The following SOX5 variants were observed in gnomAD, a reference collection of about 807,000 sequenced individuals.
SOX5 encodes transcription factor SOX-5.
In SOX5, 9 loss-of-function variants were observed where a neutral mutation model predicts 92.0. The ratio of observed to expected loss-of-function variants is 0.10; its 90% CI spans 0.06 to 0.17. The LOEUF (loss-of-function observed/expected upper bound fraction) is 0.17, where lower values mean the gene tolerates loss of function less well. Ranked by LOEUF, SOX5 falls within the 10% of genes least tolerant of loss-of-function variation. The probability of loss-of-function intolerance (pLI) is 1.00; values close to 1 mark genes in which losing one functional copy is unlikely to be tolerated. For missense variants in SOX5, 642 were observed against 944.5 expected (o/e 0.68, Z 4.20); for synonymous variants, 344 against 336.3 (o/e 1.02, Z -0.25).
intron 3 of SOX5, among the ~76,000 whole-genome samples, chr12:23,771,201 AAAAG>A (rs1188723310): frequency 7.5e-4 from 114 of 151,358 alleles, no homozygotes; most frequent in East Asian, 5.2e-3. Flanking sequence ...AAAAAAAAAA[AAAAG>A]AAAGAAAGAA....
chr12:24,546,875 A>ATTCCAGTAAACACTGAGAAC (rs1439603422), intron 1 of SOX5, among the ~76,000 whole-genome samples: 1 of 152,220 alleles, frequency 6.6e-6, no homozygotes, highest in Non-Finnish European at 1.5e-5. Flanking sequence ...TGGCTCAGGA[A>ATTCCAGTAAACACTGAGAAC]TTCCAGTAAA....
intron 2 of SOX5, among the ~76,000 whole-genome samples, chr12:23,885,522 ATTGT>A (rs1568625523): frequency 6.6e-6 from 1 of 152,170 alleles, no homozygotes; most frequent in Non-Finnish European, 1.5e-5. Flanking sequence ...TAATGATAAC[ATTGT>A]TTGCCCTGCT....
chr12:24,542,778 A>G (rs1221899710), intron 1 of SOX5, among the ~76,000 whole-genome samples: 3 of 152,254 alleles, frequency 2.0e-5, no homozygotes, highest in Admixed American at 6.5e-5. Context: ...GAACCACTAT[A>G]TTAGTTGTCA....
intron 8 of SOX5, chr12:23,638,252 A>G (rs1345973114): frequency 6.6e-6 from 1 of 152,252 alleles, no homozygotes; most frequent in African/African-American, 2.4e-5. Context: ...GAGCTGAAGA[A>G]GCAAAAGAGT....
At chr12:23,945,236 T>C (rs984202150) in intron 1 of SOX5, among the ~76,000 whole-genome samples, 1 of 152,192 alleles carries the variant, frequency 6.6e-6, no homozygotes, top group African/African-American at 2.4e-5. Flanking sequence ...ACAGGTCTTA[T>C]TATATGTCTC....
Position 23,963,299 on chromosome 12 carries a change from G to A in SOX5, c.-1-67275C>T, listed in dbSNP as rs1034473895. On this transcript the variant is annotated intron_variant, in intron 4 of 4. Transcript: ENST00000446891. ...TATAGGAAATGCTGCCTGAGCATTA[G>A]GCTAGTCATGAAAACTCAAAGGAGA... Among the ~76,000 whole-genome samples, 4 of 152,110 alleles carry A rather than the reference G, an allele frequency of 2.6e-5. No homozygotes were observed. In the East Asian group the frequency reaches 7.7e-4, roughly 29 times the overall value.
rs2091053591 is a variant in SOX5 at position 23,704,176 on chromosome 12, T to C, written c.810+30508A>G. ...ACTCCTCCCCATCTTCTAACGCTTG[T>C]GTGTGTGTGTAAAGTTTTTATTATC... On this transcript the variant is annotated intron_variant, in intron 6 of 14. Coordinates refer to ENST00000451604, the MANE Select transcript of SOX5 (RefSeq NM_006940.6). 2.6e-5 allele frequency among the ~76,000 whole-genome samples: 4 copies of C among 151,918 alleles called. No individual in the cohort carries two copies. The South Asian group carries it at 8.3e-4, about 32-fold the overall frequency.
At chr12:24,377,476 A>C (rs1957407023) in intron 1 of SOX5, among the ~76,000 whole-genome samples, 1 of 152,258 alleles carries the variant, frequency 6.6e-6, no homozygotes, top group Non-Finnish European at 1.5e-5. Flanking sequence ...AGAATGCAGA[A>C]AAATGTTACT....
intron 8 of SOX5, among the ~76,000 whole-genome samples, chr12:23,628,988 T>C (rs2078192467): frequency 6.6e-6 from 1 of 152,026 alleles, no homozygotes; most frequent in Non-Finnish European, 1.5e-5. Context: ...CATTTTTGAA[T>C]ACTATCTTTC....
chr12:24,071,656 G>T (rs960939071), intron 4 of SOX5, among the ~76,000 whole-genome samples: 3 of 151,992 alleles, frequency 2.0e-5, no homozygotes, highest in Non-Finnish European at 1.5e-5. Context: ...GGATGGTCTC[G>T]ATCTCCTGAC....
intron 2 of SOX5, among the ~76,000 whole-genome samples, chr12:24,280,300 A>G (rs1209683165): frequency 2.0e-5 from 3 of 152,126 alleles, no homozygotes; most frequent in Non-Finnish European, 4.4e-5. Context: ...AACTTTCAAC[A>G]CTGTGCCGTG....
intron 1 of SOX5, among the ~76,000 whole-genome samples, chr12:24,476,112 AC>A (rs1945354217): frequency 6.6e-6 from 1 of 152,070 alleles, no homozygotes; most frequent in Admixed American, 6.5e-5. Context: ...TGGTGTGGGG[AC>A]CACTGTCCCT....
chr12:23,771,782 G>T (rs1011635301), intron 3 of SOX5, among the ~76,000 whole-genome samples: 13 of 152,264 alleles, frequency 8.5e-5, no homozygotes, highest in African/African-American at 3.1e-4. Context: ...CTCTCTGCAA[G>T]TTAAACCAAG....
intron 3 of SOX5, among the ~76,000 whole-genome samples, chr12:23,820,767 G>C (rs1253726302): frequency 1.3e-5 from 2 of 152,078 alleles, no homozygotes; most frequent in South Asian, 4.1e-4. Flanking sequence ...CCTCTGTTCT[G>C]TTCCATTGGT....
intron 8 of SOX5, among the ~76,000 whole-genome samples, chr12:23,606,482 A>C (rs1330254939): frequency 6.6e-6 from 1 of 151,718 alleles, no homozygotes; most frequent in Non-Finnish European, 1.5e-5. Context: ...TGTGATAAAG[A>C]AAATGTGAAC....
intron 2 of SOX5, among the ~76,000 whole-genome samples, chr12:23,881,433 C>T (rs2096988463): frequency 6.6e-6 from 1 of 152,152 alleles, no homozygotes; most frequent in Non-Finnish European, 1.5e-5. Flanking sequence ...ACTTAATGCT[C>T]TGCATATGAC....
chr12:23,948,512 T>C (rs1944982522), intron 1 of SOX5, among the ~76,000 whole-genome samples: 1 of 151,976 alleles, frequency 6.6e-6, no homozygotes, highest in Non-Finnish European at 1.5e-5. Context: ...TTGCATTGCA[T>C]AGTCAGATAC....
intron 3 of SOX5, among the ~76,000 whole-genome samples, chr12:23,787,338 A>T (rs1452837392): frequency 6.6e-6 from 1 of 151,978 alleles, no homozygotes; most frequent in African/African-American, 2.4e-5. Flanking sequence ...TGCTCTGTGA[A>T]CAAACTATTT....
chr12:24,547,589 T>C (rs1952768909), intron 1 of SOX5, among the ~76,000 whole-genome samples: 1 of 152,222 alleles, frequency 6.6e-6, no homozygotes, highest in African/African-American at 2.4e-5. Flanking sequence ...TAGTTGTCAA[T>C]AGGACAAAAA....
Sources: allele counts gnomAD v4.1 joint callset (sites outside exome capture counted in the v4.1 genomes callset), GRCh38; gene constraint gnomAD v4.1.1; transcripts MANE v1.5; gene names NCBI Gene and HGNC (gene_info 2026-07-23, HGNC 2026-07-21).